The following TENM1 variants were observed in gnomAD, a reference collection of about 807,000 sequenced individuals.
TENM1 encodes teneurin-1.
TENM1 carries 35 observed loss-of-function variants against 174.8 expected under a neutral mutation model. That is an observed-to-expected ratio of 0.20 (90% CI 0.15 to 0.27). TENM1 has a LOEUF of 0.27. TENM1 is among the 10% of genes least tolerant of loss of function. The pLI, the probability that TENM1 is intolerant of heterozygous loss-of-function variation, is 1.00. For synonymous variants in TENM1, 781 were observed against 798.7 expected (o/e 0.98, Z 0.37); for missense variants, 1,633 against 2,130.1 (o/e 0.77, Z 4.59).
At chrX:124,776,111 C>T (rs2054776954) in intron 3 of TENM1, among the ~76,000 whole-genome samples, 1 of 111,774 alleles carries the variant, frequency 8.9e-6, no homozygotes, top group African/African-American at 3.3e-5. Context: ...AAACAACTGT[C>T]AGTATTGCAT....
intron 11 of TENM1, among the ~76,000 whole-genome samples, chrX:124,581,060 CTTTTTTTTTT>C (rs1202109466): frequency 3.1e-5 from 2 of 63,971 alleles, no homozygotes; most frequent in African/African-American, 6.8e-5. Flanking sequence ...ATACTTAGTT[CTTTTTTTTTT>C]TTTTTTTTTT....
At chrX:124,630,297 T>G (rs1308868623) in intron 11 of TENM1, among the ~76,000 whole-genome samples, 1 of 112,249 alleles carries the variant, frequency 8.9e-6, no homozygotes, top group Non-Finnish European at 1.9e-5. Context: ...TTGTTGAAAC[T>G]ACTTATTCTT....
At chrX:124,828,844 A>T (rs1257506076) in intron 3 of TENM1, among the ~76,000 whole-genome samples, 1 of 112,280 alleles carries the variant, frequency 8.9e-6, no homozygotes, top group Non-Finnish European at 1.9e-5. Flanking sequence ...AAGATGCAAA[A>T]TGCATCCTGA....
At chrX:124,511,442 C>T (rs1367814022) in intron 18 of TENM1, among the ~76,000 whole-genome samples, 1 of 111,359 alleles carries the variant, frequency 9.0e-6, no homozygotes, top group African/African-American at 3.3e-5. Flanking sequence ...GAATTGGGTA[C>T]TCAGTAAGGT....
chrX:124,794,000 C>T (rs2055244956), intron 3 of TENM1, among the ~76,000 whole-genome samples: 1 of 110,610 alleles, frequency 9.0e-6, no homozygotes, highest in African/African-American at 3.3e-5. Context: ...CTTAATAGAA[C>T]TGCATAATCC....
At chrX:124,471,192 TTA>T (rs1344442001) in intron 22 of TENM1, among the ~76,000 whole-genome samples, 1 of 62,427 alleles carries the variant, frequency 1.6e-5, no homozygotes, top group Non-Finnish European at 2.8e-5. Context: ...ATAATATATA[TTA>T]TATAATATAT....
the TENM1 span, among the ~76,000 whole-genome samples, chrX:125,167,101 C>G: frequency 7.2e-5 from 8 of 111,786 alleles, no homozygotes; most frequent in Non-Finnish European, 1.5e-4. Flanking sequence ...ACTAAAAAGT[C>G]CCAAAGTAGA....
At chrX:124,693,417 C>T (rs775650820) in intron 5 of TENM1, among the ~76,000 whole-genome samples, 121 of 111,826 alleles carry the variant, frequency 1.1e-3, no homozygotes, top group Middle Eastern at 4.6e-3. Flanking sequence ...TGACTATCTT[C>T]TACAGCAATT....
chrX:124,445,329 C>G (rs1234141539), intron 23 of TENM1, among the ~76,000 whole-genome samples: 1 of 111,528 alleles, frequency 9.0e-6, no homozygotes, highest in Non-Finnish European at 1.9e-5. Context: ...GTACTAATTC[C>G]CTAACACAGG....
At chrX:124,917,646 T>G (rs1481733988) in intron 1 of TENM1, among the ~76,000 whole-genome samples, 2 of 111,948 alleles carry the variant, frequency 1.8e-5, no homozygotes, top group African/African-American at 6.5e-5. Context: ...CTATAGATTT[T>G]TAATCTTCTC....
chrX:124,597,540 A>G (rs1462889776), intron 11 of TENM1, among the ~76,000 whole-genome samples: 1 of 110,893 alleles, frequency 9.0e-6, no homozygotes, highest in African/African-American at 3.3e-5. Context: ...GGAGAGGGAT[A>G]GAGGATGGAA....
chrX:125,178,454 T>C, the TENM1 span, among the ~76,000 whole-genome samples: 11 of 111,182 alleles, frequency 9.9e-5, no homozygotes, highest in Non-Finnish European at 2.1e-4. Flanking sequence ...AGGTACTTTA[T>C]CTTGTTTTAA....
At chrX:125,196,208 CT>C in the TENM1 span, among the ~76,000 whole-genome samples, 22 of 106,131 alleles carry the variant, frequency 2.1e-4, no homozygotes, top group African/African-American at 4.1e-4. Flanking sequence ...AAAAAAGTTT[CT>C]TTTTTTTTTG....
the TENM1 span, among the ~76,000 whole-genome samples, chrX:125,176,626 C>T: frequency 9.0e-6 from 1 of 111,067 alleles, no homozygotes; most frequent in African/African-American, 3.3e-5. Context: ...GACAGGCTTC[C>T]CACTCCCATG....
At position 124,740,230 on chromosome X, in the gene TENM1, T is replaced by A. The variant is rs774375513; in HGVS notation, c.536-3033A>T. On this transcript the variant is annotated intron_variant, in intron 3 of 31. Transcript: ENST00000422452. ...TCAGAACCCCTCTAAACAACATGCA[T>A]GACATTTACTAGCTTAATCAGTAGG... Among the ~76,000 whole-genome samples the A allele has an allele frequency of 4.5e-5, 5 of 111,706 alleles. No individual in the cohort carries two copies. The South Asian group carries it at 1.5e-3, about 33-fold the overall frequency.
At chrX:124,570,911 C>A (rs1305941141) in intron 11 of TENM1, among the ~76,000 whole-genome samples, 5 of 111,080 alleles carry the variant, frequency 4.5e-5, no homozygotes, top group Non-Finnish European at 9.5e-5. Context: ...GAGGTCCTAG[C>A]CAATGAAATT....
intron 20 of TENM1, among the ~76,000 whole-genome samples, chrX:124,495,435 T>A (rs1178088721): frequency 9.2e-6 from 1 of 108,414 alleles, no homozygotes; most frequent in Non-Finnish European, 1.9e-5. Context: ...ATGAGTAGGT[T>A]GCGAAAATTT....
At chrX:124,949,814 T>C (rs1472134202) in intron 1 of TENM1, among the ~76,000 whole-genome samples, 1 of 111,533 alleles carries the variant, frequency 9.0e-6, no homozygotes, top group Non-Finnish European at 1.9e-5. Context: ...TCCAAAAACA[T>C]AAAAGAAATG....
At chrX:125,192,921 T>G in the TENM1 span, among the ~76,000 whole-genome samples, 1 of 111,892 alleles carries the variant, frequency 8.9e-6, no homozygotes, top group Admixed American at 9.5e-5. Context: ...TAAGAGAAAC[T>G]TTATATTCAC....
Sources: gnomAD v4.1 joint callset for allele counts (sites outside exome capture counted in the v4.1 genomes callset) on GRCh38, gnomAD v4.1.1 for gene constraint, MANE v1.5 for transcripts, NCBI Gene and HGNC (gene_info 2026-07-23, HGNC 2026-07-21) for gene names.